HAPLN4: variants seen among roughly 807,000 people sequenced by gnomAD.
The protein encoded by HAPLN4 is brain link protein 2.
A neutral mutation model predicts 28.0 loss-of-function variants in HAPLN4; 19 were observed. The ratio of observed to expected loss-of-function variants is 0.68; its 90% confidence interval spans 0.47 to 1.00. The LOEUF is 1.00. Among genes scored for constraint, HAPLN4 ranks in the 50% least tolerant of loss-of-function variants. The pLI, the probability that HAPLN4 is intolerant of heterozygous loss-of-function variation, is 0.00. For synonymous variants in HAPLN4, 274 were observed against 273.0 expected (o/e 1.00, Z -0.03); for missense variants, 587 against 602.6 (o/e 0.97, Z 0.27).
In HAPLN4 at chr19:19,258,632, G is replaced by A. The variant is rs927546927; in HGVS notation, c.708C>T (p.Thr236=). Residue 236 remains threonine (T), a synonymous_variant, in exon 4 of 5, where the codon ACC becomes ACT. Coordinates refer to ENST00000291481, the MANE Select transcript of HAPLN4 (RefSeq NM_023002.3). The surrounding 1 kb of genome is among the most constrained non-coding windows in gnomAD (Gnocchi z 6.2). Reference sequence around the variant, plus strand: ...CATCACCGCCGCCCCCTGCACTCCCGGTCCCCCCCAGGCCGCCGCAGGGCT... The same window carrying A: ...CATCACCGCCGCCCCCTGCACTCCCAGTCCCCCCCAGGCCGCCGCAGGGCT... ...PREPCGGLGG[T]GSAGGGGDAN... is the part of the protein sequence containing the mutation. The A allele has an allele frequency of 7.4e-6, 12 of 1,612,276 alleles. No homozygotes were observed. The African/African-American group carries it at 1.5e-4, about 20-fold the overall frequency.
rs780802446 is a variant in HAPLN4, at chr19:19,260,817, C to T, written c.480G>A (p.Leu160=). 6.2e-7 allele frequency: 1 copy of T among 1,605,954 alleles called. No individual in the cohort carries two copies. Among genetic ancestry groups the T allele is most frequent in the South Asian group, 1.1e-5 (1 of 90,968 alleles). The part of the protein sequence containing the change: ...EDDAGMVKLD[L]EGVVFPYHPR... ...TCCTCCCCACCGGCTGATCACCTTC[C>T]AGGTCCAGCTTGACCATGCCAGCGT... The change falls in exon 3 of 5, where the codon CTG becomes CTA. Residue 160 remains leucine (L), a synonymous_variant. Coordinates refer to ENST00000291481, the MANE Select transcript of HAPLN4 (RefSeq NM_023002.3).
chr19:19,262,294 A>T (rs1477875612), intron 1 of HAPLN4, among the ~76,000 whole-genome samples: 6 of 151,052 alleles, frequency 4.0e-5, no homozygotes. Flanking sequence ...AGGAAGAGAC[A>T]GAGATGGAGA....
In HAPLN4 at chr19:19,258,617, G is replaced by A. The variant is rs1256005513; in HGVS notation, c.723C>T (p.Gly241=). Residue 241 remains glycine, a synonymous_variant, in exon 4 of 5, where the codon GGC becomes GGT. Coordinates refer to ENST00000291481, the MANE Select transcript of HAPLN4 (RefSeq NM_023002.3). The surrounding 1 kb of genome is among the most constrained non-coding windows in gnomAD (Gnocchi z 6.2). ...GCAGGCCCCCGTTGGCATCACCGCC[G>A]CCCCCTGCACTCCCGGTCCCCCCCA... ...GGLGGTGSAG[G]GGDANGGLRN... The A allele has an allele frequency of 6.2e-7, 1 of 1,612,998 alleles. No individual in the cohort carries two copies. The highest frequency in any genetic ancestry group is 1.7e-5 in the Admixed American group (1 of 59,964).
At position 19,258,168 on chromosome 19, in the gene HAPLN4, G is replaced by A. The variant is rs2060972053; in HGVS notation, c.858C>T (p.Phe286=). Residue 286 remains phenylalanine (F), a synonymous_variant, in exon 5 of 5, where the codon TTC becomes TTT. Transcript: ENST00000291481. This position sits in a 1 kb window ranked among gnomAD's most constrained non-coding sequence, Gnocchi z 6.2. ...FFLKPLRPVP[F]SGAARACAAR... ...CAGCACACGCGCGCGCAGCTCCGGA[G>A]AAGGGTACAGGTCGCAGCGGCTTCA... is the stretch of plus-strand genomic sequence containing the variant. 2.6e-6 allele frequency: 4 copies of A among 1,532,644 alleles called. No homozygotes were observed. Among genetic ancestry groups the A allele is most frequent in the Non-Finnish European group, 1.7e-6 (2 of 1,144,832 alleles). 94.9% of individuals were successfully genotyped at this position (1,532,644 alleles called of 1,614,324 possible). A position where few individuals can be genotyped will look rare whatever the true frequency, so the allele number is the denominator to read the frequency against.
At position 19,258,069 on chromosome 19, in the gene HAPLN4, G is replaced by A; in HGVS notation, c.957C>T (p.Thr319=). 6.4e-7 allele frequency: 1 copy of A among 1,553,146 alleles called. No homozygotes were observed. Among genetic ancestry groups the A allele is most frequent in the Non-Finnish European group, 8.6e-7 (1 of 1,156,188 alleles). ...AWKLQLLDRC[T]AGWLADGSAR... Reference sequence around the variant, plus strand: ...CACTGCCATCGGCCAGCCAACCCGCGGTGCAGCGGTCTAGCAGCTGCAGCT... The same window carrying A: ...CACTGCCATCGGCCAGCCAACCCGCAGTGCAGCGGTCTAGCAGCTGCAGCT... Residue 319 remains threonine (T), a synonymous_variant, in exon 5 of 5, where the codon ACC becomes ACT. Transcript: ENST00000291481. The surrounding 1 kb of genome is among the most constrained non-coding windows in gnomAD (Gnocchi z 6.2).
chr19:19,255,096 A>T lies in HAPLN4; in HGVS notation c.*2721T>A, dbSNP rs1378155472. 1.3e-5 allele frequency: 2 copies of T among 152,132 alleles called. No homozygotes were observed. The highest frequency in any genetic ancestry group is 3.8e-4 in the East Asian group (2 of 5,202). The allele number at this position is 152,132 out of a possible 1,614,324, so 9.4% of individuals were successfully genotyped here. A position where few individuals can be genotyped will look rare whatever the true frequency, so the allele number is the denominator to read the frequency against. On this transcript the variant is annotated 3_prime_UTR_variant, in exon 5 of 5. Transcript: ENST00000291481. ...CAGTTTCCCGAATTTCATGCCCTGG[A>T]TCTTGTCAATGACCCAGTCAGGACA...
Position 19,258,435 on chromosome 19 carries a change from C to T in HAPLN4, c.817+88G>A. ...CTCTTGGGAGAGGGGTCTCCTGTTT[C>T]TGATCGCTAAGAGCTGGGTGGGGAA... On this transcript the variant is annotated intron_variant, in intron 4 of 4. Coordinates refer to ENST00000291481, the MANE Select transcript of HAPLN4 (RefSeq NM_023002.3). The surrounding 1 kb of genome is among the most constrained non-coding windows in gnomAD (Gnocchi z 6.2). The T allele has an allele frequency of 1.5e-6, 2 of 1,379,038 alleles. No homozygotes were observed. Among genetic ancestry groups the T allele is most frequent in the Non-Finnish European group, 2.0e-6 (2 of 996,748 alleles). 85.4% of individuals were successfully genotyped at this position (1,379,038 alleles called of 1,614,324 possible). A position where few individuals can be genotyped will look rare whatever the true frequency, so the allele number is the denominator to read the frequency against.
At position 19,261,461 on chromosome 19, in the gene HAPLN4, C is replaced by A. The variant is rs2060983165; in HGVS notation, c.106G>T (p.Val36Phe). Residue 36 changes from valine to phenylalanine, a missense_variant, in exon 2 of 5, where the codon GTC becomes TTC. Coordinates refer to ENST00000291481, the MANE Select transcript of HAPLN4 (RefSeq NM_023002.3). ...PAGAQRGRKKVVHVLEGESGS... is the reference protein window; with the variant it reads ...PAGAQRGRKKFVHVLEGESGS... The stretch of plus-strand genomic sequence containing the variant: ...CCTGACTCACCCAGCACGTGCACGA[C>A]CTTCTTCCGGCCACGCTGCGCCCCC... 6.2e-7 allele frequency: 1 copy of A among 1,612,004 alleles called. No homozygotes were observed. The highest frequency in any genetic ancestry group is 1.3e-5 in the African/African-American group (1 of 75,024).
At chr19:19,262,509 G>A (rs1005271018) in intron 1 of HAPLN4, among the ~76,000 whole-genome samples, 3 of 150,258 alleles carry the variant, frequency 2.0e-5, no homozygotes, top group Admixed American at 6.6e-5. Context: ...ACGGAGAGGA[G>A]AGGAAAAAGG....
chr19:19,259,006 C>T (rs2060975557), intron 3 of HAPLN4, 151 bp from the exon 4 acceptor site: 1 of 619,024 alleles, frequency 1.6e-6, no homozygotes, highest in South Asian at 2.1e-5. Context: ...CCCCAGCTCA[C>T]ACCCCATATA....
intron 1 of HAPLN4, 103 bp downstream of exon 1, chr19:19,262,627 G>T: frequency 7.5e-7 from 1 of 1,336,910 alleles, no homozygotes; most frequent in Non-Finnish European, 1.1e-6. Flanking sequence ...AAAAGGAAGA[G>T]ACAGAAGAAA....
At position 19,255,585 on chromosome 19, in the gene HAPLN4, G is replaced by A. The variant is rs2060963152; in HGVS notation, c.*2232C>T. 1 of 152,148 alleles carries A rather than the reference G, an allele frequency of 6.6e-6. No individual in the cohort carries two copies. The highest frequency in any genetic ancestry group is 2.1e-4 in the South Asian group (1 of 4,820). 9.4% of individuals were successfully genotyped at this position (152,148 alleles called of 1,614,324 possible). On this transcript the variant is annotated 3_prime_UTR_variant, in exon 5 of 5. Coordinates refer to ENST00000291481, the MANE Select transcript of HAPLN4 (RefSeq NM_023002.3). ...AAAAAACCCCAAGCCCCCCAAGCTT[G>A]TAACATCTTATCTACCAAAGTGCAT...
rs1327293744 is a variant in HAPLN4 at position 19,258,108 on chromosome 19, C to T, written c.918G>A (p.Leu306=). Residue 306 remains leucine (L), a synonymous_variant, in exon 5 of 5, where the codon CTG becomes CTA. Transcript: ENST00000291481. The surrounding 1 kb of genome is among the most constrained non-coding windows in gnomAD (Gnocchi z 6.2). ...RGAAVAKVGQ[L]FAAWKLQLLD... Reference sequence around the variant, plus strand: ...GCAGCTGCAGCTTCCACGCGGCGAACAGCTGCCCCACCTTGGCCACGGCCG... The same window carrying T: ...GCAGCTGCAGCTTCCACGCGGCGAATAGCTGCCCCACCTTGGCCACGGCCG... The T allele has an allele frequency of 5.2e-6, 8 of 1,550,972 alleles. No individual in the cohort carries two copies. The highest frequency in any genetic ancestry group is 1.7e-4 in the Middle Eastern group (1 of 5,976).
At position 19,261,137 on chromosome 19, in the gene HAPLN4, C is replaced by G; in HGVS notation, c.160G>C (p.Gly54Arg). ...SGSVVVQTAP[G>R]QVVSHRGGTI... ...CCACCACGGTGGCTTACCACCTGCC[C>G]AGGCGCTGTCTGTACCACTACCGAG... Residue 54 changes from glycine (G) to arginine (R), a missense_variant, in exon 3 of 5, where the codon GGG becomes CGG. Physicochemically the swap from Gly to Arg is moderately radical, Grantham distance 125 (BLOSUM62 -2). Coordinates refer to ENST00000291481, the MANE Select transcript of HAPLN4 (RefSeq NM_023002.3). 5.0e-6 allele frequency: 8 copies of G among 1,609,008 alleles called. No homozygotes were observed. Among genetic ancestry groups the G allele is most frequent in the Non-Finnish European group, 6.8e-6 (8 of 1,177,436 alleles).
chr19:19,258,973 G>A lies in HAPLN4; in HGVS notation c.485-118C>T. ...TTTCAGTCCATTCCTCCTCACTCTG[G>A]CCTCAGACCTGACCACGATCCTCCC... On this transcript the variant is annotated intron_variant, in intron 3 of 4. Transcript: ENST00000291481. This position sits in a 1 kb window ranked among gnomAD's most constrained non-coding sequence, Gnocchi z 6.2. The A allele has an allele frequency of 1.2e-6, 1 of 801,084 alleles. No individual in the cohort carries two copies. The highest frequency in any genetic ancestry group is 1.9e-6 in the Non-Finnish European group (1 of 526,300). 49.6% of individuals were successfully genotyped at this position (801,084 alleles called of 1,614,324 possible). A position where few individuals can be genotyped will look rare whatever the true frequency, so the allele number is the denominator to read the frequency against.
chr19:19,257,679 C>A lies in HAPLN4; in HGVS notation c.*138G>T. ...CAGGACTAGCCAGTCTTCAGGGACC[C>A]CAGGGGCACAGTTAGTTTGTAAGGG... On this transcript the variant is annotated 3_prime_UTR_variant, in exon 5 of 5. Transcript: ENST00000291481. 1.8e-6 allele frequency: 2 copies of A among 1,087,488 alleles called. No homozygotes were observed. The highest frequency in any genetic ancestry group is 3.1e-5 in the South Asian group (1 of 32,482). The allele number at this position is 1,087,488 out of a possible 1,614,324, so 67.4% of individuals were successfully genotyped here.
At position 19,258,266 on chromosome 19, in the gene HAPLN4, T is replaced by TGGGATTCAGAGGTTATTAGTGC; in HGVS notation, c.818-59_818-58insGCACTAATAACCTCTGAATCCC. 7.0e-7 allele frequency: 1 copy of TGGGATTCAGAGGTTATTAGTGC among 1,422,948 alleles called. No homozygotes were observed. Among genetic ancestry groups the TGGGATTCAGAGGTTATTAGTGC allele is most frequent in the East Asian group, 2.5e-5 (1 of 39,418 alleles). The allele number at this position is 1,422,948 out of a possible 1,614,324, so 88.1% of individuals were successfully genotyped here. A position where few individuals can be genotyped will look rare whatever the true frequency, so the allele number is the denominator to read the frequency against. ...TGCGGCTCCTGGGACCCTGCTTCGG[T>TGGGATTCAGAGGTTATTAGTGC]GGGATTCAGGACTGCCCCCCGCATG... On this transcript the variant is annotated intron_variant, in intron 4 of 4. Transcript: ENST00000291481. This position sits in a 1 kb window ranked among gnomAD's most constrained non-coding sequence, Gnocchi z 6.2.
In HAPLN4 at chr19:19,261,165, C is replaced by G. The variant is rs769154401; in HGVS notation, c.132G>C (p.Ser44=). The change falls in exon 3 of 5, where the codon TCG becomes TCC. Residue 44 remains serine (S), a synonymous_variant. Coordinates refer to ENST00000291481, the MANE Select transcript of HAPLN4 (RefSeq NM_023002.3). ...GCGCTGTCTGTACCACTACCGAGCC[C>G]GACTCACCCTCTGAGGACAACCAAG... is the stretch of plus-strand genomic sequence containing the variant. ...KKVVHVLEGE[S]GSVVVQTAPG... 2 of 1,595,966 alleles carry G rather than the reference C, an allele frequency of 1.3e-6. No homozygotes were observed. The highest frequency in any genetic ancestry group is 1.7e-6 in the Non-Finnish European group (2 of 1,168,228).
In HAPLN4 at chr19:19,261,429, T is replaced by G; in HGVS notation, c.121+17A>C. 1 of 1,600,328 alleles carries G rather than the reference T, an allele frequency of 6.2e-7. No homozygotes were observed. Among genetic ancestry groups the G allele is most frequent in the South Asian group, 1.1e-5 (1 of 90,848 alleles). ...TGCTTTTCGCGGAGAAGACCACTTT[T>G]AGCGGCCCTGACTCACCCAGCACGT... On this transcript the variant is annotated intron_variant, in intron 2 of 4. Coordinates refer to ENST00000291481, the MANE Select transcript of HAPLN4 (RefSeq NM_023002.3).
Sources: allele counts gnomAD v4.1 joint callset (sites outside exome capture counted in the v4.1 genomes callset), GRCh38; gene constraint gnomAD v4.1.1; non-coding constraint Gnocchi (gnomAD v3.1); transcripts MANE v1.5; gene names NCBI Gene and HGNC (gene_info 2026-07-23, HGNC 2026-07-21).